MALRD1: variants seen among roughly 807,000 people sequenced by gnomAD.
MALRD1 encodes the protein MAM and LDL-receptor class A domain-containing protein 1.
A neutral mutation model predicts 242.1 loss-of-function variants in MALRD1; 247 were observed. The observed-to-expected ratio is 1.02, with a 90% confidence interval of 0.92 to 1.13. MALRD1 has a LOEUF of 1.13. MALRD1 is among the 50% of genes most tolerant of loss of function. The pLI is 0.00. For missense variants in MALRD1, 2,989 were observed against 2,533.1 expected (o/e 1.18, Z -3.86); for synonymous variants, 995 against 866.6 (o/e 1.15, Z -2.60).
chr10:19,136,901 A>G (rs963965222), intron 10 of MALRD1, 120 bp downstream of exon 10: 2 of 584,336 alleles, frequency 3.4e-6, no homozygotes, highest in Non-Finnish European at 5.0e-6. Flanking sequence ...TGTGATAAAT[A>G]TGCATTATCG....
chr10:19,174,713 T>G (rs1256346762), intron 13 of MALRD1, among the ~76,000 whole-genome samples: 1 of 152,148 alleles, frequency 6.6e-6, no homozygotes, highest in Non-Finnish European at 1.5e-5. Flanking sequence ...CTGTATGTGG[T>G]TATTGATGTG....
intron 29 of MALRD1, among the ~76,000 whole-genome samples, chr10:19,461,137 A>G (rs191220462): frequency 2.0e-5 from 3 of 152,298 alleles, no homozygotes; most frequent in Admixed American, 6.5e-5. Context: ...TGAAAAATCA[A>G]TGGGCGACAA....
intron 26 of MALRD1, among the ~76,000 whole-genome samples, chr10:19,365,587 G>C (rs1172630410): frequency 6.8e-6 from 1 of 146,548 alleles, no homozygotes; most frequent in Non-Finnish European, 1.5e-5. Flanking sequence ...GTATTAGAAT[G>C]GGTTTCTTAT....
intron 5 of MALRD1, among the ~76,000 whole-genome samples, chr10:19,117,798 AAAAGTG>A (rs1267225032): frequency 6.6e-6 from 1 of 152,246 alleles, no homozygotes; most frequent in African/African-American, 2.4e-5. Flanking sequence ...TATCACAAAT[AAAAGTG>A]AACATGATGT....
At chr10:19,077,499 GA>G (rs1355984993) in intron 2 of MALRD1, among the ~76,000 whole-genome samples, 1 of 151,878 alleles carries the variant, frequency 6.6e-6, no homozygotes, top group Non-Finnish European at 1.5e-5. Flanking sequence ...TATTAATGCT[GA>G]CCCTAAAGGG....
At chr10:19,559,294 C>T (rs1835859425) in intron 32 of MALRD1, among the ~76,000 whole-genome samples, 1 of 151,818 alleles carries the variant, frequency 6.6e-6, no homozygotes, top group South Asian at 2.1e-4. Flanking sequence ...TTTGGGTCTT[C>T]TCTCTTTTTT....
At chr10:19,233,649 A>G (rs563726889) in intron 18 of MALRD1, among the ~76,000 whole-genome samples, 4 of 152,244 alleles carry the variant, frequency 2.6e-5, no homozygotes, top group African/African-American at 9.6e-5. Flanking sequence ...GTGACTCTGT[A>G]TTTCTAGCAT....
intron 18 of MALRD1, among the ~76,000 whole-genome samples, chr10:19,253,288 G>T (rs1839373416): frequency 6.6e-6 from 1 of 151,946 alleles, no homozygotes; most frequent in Non-Finnish European, 1.5e-5. Flanking sequence ...ATTACTATAT[G>T]CTGGTTATAA....
At chr10:19,244,572 C>CA (rs921868612) in intron 18 of MALRD1, among the ~76,000 whole-genome samples, 7 of 150,052 alleles carry the variant, frequency 4.7e-5, no homozygotes, top group East Asian at 1.9e-4. Context: ...TTCAAAAAAA[C>CA]AAAAAAAATC....
chr10:19,379,344 A>G (rs899119215), intron 26 of MALRD1, among the ~76,000 whole-genome samples: 1 of 151,846 alleles, frequency 6.6e-6, no homozygotes, highest in African/African-American at 2.4e-5. Flanking sequence ...TTATTTTGTG[A>G]TAAATTTGCT....
chr10:19,322,260 A>T (rs1842938921), intron 21 of MALRD1, among the ~76,000 whole-genome samples: 2 of 152,010 alleles, frequency 1.3e-5, no homozygotes, highest in South Asian at 4.1e-4. Flanking sequence ...TCCCTGTTAT[A>T]CTGGGATATT....
chr10:19,129,539 A>C (rs1364219633), intron 8 of MALRD1, among the ~76,000 whole-genome samples: 1 of 151,864 alleles, frequency 6.6e-6, no homozygotes, highest in Non-Finnish European at 1.5e-5. Flanking sequence ...TTATTAGCTC[A>C]ATCTCCAGCC....
intron 10 of MALRD1, among the ~76,000 whole-genome samples, chr10:19,143,111 G>A (rs999991205): frequency 9.8e-5 from 15 of 152,292 alleles, no homozygotes; most frequent in African/African-American, 3.6e-4. Context: ...AAGGATGGTG[G>A]TGTTTAGCAT....
At chr10:19,595,535 A>G (rs1014981407) in intron 34 of MALRD1, 78 bp downstream of exon 34, 24 of 1,432,828 alleles carry the variant, frequency 1.7e-5, no homozygotes, top group Non-Finnish European at 2.1e-5. Context: ...GACAGATAAA[A>G]TGAAGTTCTC....
At chr10:19,189,540 G>A (rs185755600) in intron 14 of MALRD1, among the ~76,000 whole-genome samples, 19 of 152,066 alleles carry the variant, frequency 1.2e-4, no homozygotes, top group East Asian at 1.9e-4. Context: ...CTTTATGATC[G>A]TTTATGCAAA....
At chr10:19,244,249 G>T (rs910953876) in intron 18 of MALRD1, among the ~76,000 whole-genome samples, 4 of 151,974 alleles carry the variant, frequency 2.6e-5, no homozygotes, top group Non-Finnish European at 5.9e-5. Context: ...TTCCTTGCAC[G>T]CTTAGATAAT....
In MALRD1 at chr10:19,347,933, T is replaced by G; in HGVS notation, c.4064T>G (p.Phe1355Cys). Residue 1355 changes from phenylalanine to cysteine, a missense_variant, in exon 25 of 40, where the codon TTT (phenylalanine) becomes TGT (cysteine). By Grantham distance (205) the Phe-to-Cys change is radical. Transcript: ENST00000454679. Reference protein sequence around the residue: ...TLGNSSGHYIFIKSLFPQQPM... With the variant: ...TLGNSSGHYICIKSLFPQQPM... ...GGAAATTCATCTGGTCATTACATCT[T>G]TATAAAGAGTTTGTTTCCTCAGCAG... 1.3e-6 allele frequency: 2 copies of G among 1,550,344 alleles called. No homozygotes were observed. The highest frequency in any genetic ancestry group is 1.7e-6 in the Non-Finnish European group (2 of 1,146,838).
chr10:19,314,077 G>A (rs548962336), intron 21 of MALRD1, among the ~76,000 whole-genome samples: 14 of 151,640 alleles, frequency 9.2e-5, no homozygotes, highest in African/African-American at 2.7e-4. Flanking sequence ...GTTTTATTTA[G>A]CAACAGATTC....
At chr10:19,101,444 C>T (rs1836249460) in intron 4 of MALRD1, among the ~76,000 whole-genome samples, 1 of 137,096 alleles carries the variant, frequency 7.3e-6, no homozygotes, top group Non-Finnish European at 1.5e-5. Context: ...ATAATAATTA[C>T]ATATTATATA....
Sources: gnomAD v4.1 joint callset for allele counts (sites outside exome capture counted in the v4.1 genomes callset) on GRCh38, gnomAD v4.1.1 for gene constraint, MANE v1.5 for transcripts, NCBI Gene and HGNC (gene_info 2026-07-23, HGNC 2026-07-21) for gene names.